ARHGAP39: variants seen among roughly 807,000 people sequenced by gnomAD.
ARHGAP39 encodes rho GTPase-activating protein 39.
Under a neutral mutation model 106.9 loss-of-function variants are expected in ARHGAP39, and 44 were observed. The ratio of observed to expected loss-of-function variants is 0.41; its 90% CI spans 0.32 to 0.53. ARHGAP39 has a LOEUF of 0.53. Among genes scored for constraint, ARHGAP39 ranks in the 20% least tolerant of loss-of-function variants. The pLI is 0.21. For missense variants in ARHGAP39, 1,496 were observed against 1,577.3 expected (o/e 0.95, Z 0.87); for synonymous variants, 768 against 693.2 (o/e 1.11, Z -1.69).
Position 144,646,965 on chromosome 8 carries a change from ATTTTTT to A in ARHGAP39, c.-82+38715_-82+38720del, listed in dbSNP as rs1174032022. On this transcript the variant is annotated intron_variant, in intron 1 of 11. Coordinates refer to ENST00000377307, the MANE Select transcript of ARHGAP39 (RefSeq NM_025251.3). The surrounding 1 kb of genome is among the most constrained non-coding windows in gnomAD (Gnocchi z 5.7). ...TGGAGGCATCTGCTCTGCTCTGACC[ATTTTTT>A]TTTTTTTTTTTTTTTTGAGACAGAG... is the stretch of plus-strand genomic sequence containing the variant. Among the ~76,000 whole-genome samples, 1 of 114,632 alleles carries A rather than the reference ATTTTTT, an allele frequency of 8.7e-6. No individual in the cohort carries two copies. The highest frequency in any genetic ancestry group is 9.0e-5 in the Admixed American group (1 of 11,142). The allele number at this position is 114,632 out of a possible 152,430, so 75.2% of individuals were successfully genotyped here. A position where few individuals can be genotyped will look rare whatever the true frequency, so the allele number is the denominator to read the frequency against.
At chr8:144,654,113 C>T (rs968067654) in intron 1 of ARHGAP39, among the ~76,000 whole-genome samples, 1 of 152,172 alleles carries the variant, frequency 6.6e-6, no homozygotes, top group African/African-American at 2.4e-5. Context: ...ACCTACAGGA[C>T]AACATGAAGC....
intron 1 of ARHGAP39, among the ~76,000 whole-genome samples, chr8:144,650,268 C>T (rs986842631): frequency 6.6e-6 from 1 of 151,950 alleles, no homozygotes; most frequent in African/African-American, 2.4e-5. Context: ...AATAGCTTAC[C>T]ATCCAAAAAA....
intron 6 of ARHGAP39, among the ~76,000 whole-genome samples, chr8:144,543,453 A>G (rs1817279077): frequency 6.6e-6 from 1 of 152,196 alleles, no homozygotes; most frequent in Admixed American, 6.5e-5. Flanking sequence ...CTAGGAGTGG[A>G]TCCTGGGGCT....
chr8:144,603,301 C>CTG (rs376743469), intron 2 of ARHGAP39, among the ~76,000 whole-genome samples: 8 of 150,770 alleles, frequency 5.3e-5, no homozygotes, highest in South Asian at 2.1e-4. Context: ...GCTCGTGTAT[C>CTG]TGTGTGTGTG....
intron 1 of ARHGAP39, among the ~76,000 whole-genome samples, chr8:144,632,376 A>G (rs908777861): frequency 3.9e-5 from 6 of 152,152 alleles, no homozygotes; most frequent in Non-Finnish European, 7.4e-5. Flanking sequence ...CCCCTCTTCC[A>G]GCCGCACTGG....
At position 144,547,999 on chromosome 8, in the gene ARHGAP39, C is replaced by T. The variant is rs747704719; in HGVS notation, c.1087G>A (p.Gly363Ser). The change falls in exon 5 of 12, where the codon GGC becomes AGC. Residue 363 changes from glycine (G) to serine (S), a missense_variant. Gly to Ser is a moderately conservative substitution (Grantham distance 56, BLOSUM62 0). Coordinates refer to ENST00000377307, the MANE Select transcript of ARHGAP39 (RefSeq NM_025251.3). This position sits in a 1 kb window ranked among gnomAD's most constrained non-coding sequence, Gnocchi z 5.2. ...AGCTGCTGGCAGGGCGAGGGGGGGC[C>T]CTGCTTGTTGGGCTGGAGGAACGGC... ...PRPFLQPNKQ[G>S]PPSPCQQLVL... is the part of the protein sequence containing the mutation. The T allele has an allele frequency of 1.9e-5, 31 of 1,610,222 alleles. No homozygotes were observed. Among genetic ancestry groups the T allele is most frequent in the Non-Finnish European group, 2.6e-5 (31 of 1,179,180 alleles).
At chr8:144,554,828 C>A (rs753799911) in intron 4 of ARHGAP39, among the ~76,000 whole-genome samples, 2 of 152,214 alleles carry the variant, frequency 1.3e-5, no homozygotes, top group Non-Finnish European at 2.9e-5. Context: ...AGAAACAAAC[C>A]GTTACCACTT....
chr8:144,698,068 T>A, the ARHGAP39 span, among the ~76,000 whole-genome samples: 1 of 152,194 alleles, frequency 6.6e-6, no homozygotes, highest in Admixed American at 6.5e-5. Context: ...TGATCCCCAA[T>A]GTTGGAGGTG....
rs1817377732 is a variant in ARHGAP39, at chr8:144,545,555, C to T, written c.2215G>A (p.Val739Met). The T allele has an allele frequency of 5.0e-6, 8 of 1,613,748 alleles. No individual in the cohort carries two copies. The highest frequency in any genetic ancestry group is 6.8e-6 in the Non-Finnish European group (8 of 1,180,014). The change falls in exon 6 of 12, where the codon GTG becomes ATG. Residue 739 changes from valine (V) to methionine (M), a missense_variant. Val to Met is a conservative substitution (Grantham distance 21). This residue lies in a region of ARHGAP39 where 470 missense variants were observed against 605.1 expected (regional missense o/e 0.78). Coordinates refer to ENST00000377307, the MANE Select transcript of ARHGAP39 (RefSeq NM_025251.3). ...KPMIVTSDRH[V>M]KKEACELFKL... The stretch of plus-strand genomic sequence containing the variant: ...AAGAGCTCGCAGGCCTCCTTCTTCA[C>T]GTGCCGGTCGCTTGTCACGATCATG...
intron 7 of ARHGAP39, among the ~76,000 whole-genome samples, chr8:144,536,424 A>G (rs1816955886): frequency 6.6e-6 from 1 of 152,076 alleles, no homozygotes. Context: ...GCTCCACTCC[A>G]GGCACAGGGG....
chr8:144,602,702 G>T (rs568097877), intron 2 of ARHGAP39, among the ~76,000 whole-genome samples: 1 of 141,304 alleles, frequency 7.1e-6, no homozygotes, highest in Non-Finnish European at 1.5e-5. Context: ...GTGCATGTGC[G>T]TGGAGTTGTG....
chr8:144,685,282 C>T (rs1822555410), intron 1 of ARHGAP39, among the ~76,000 whole-genome samples: 1 of 151,136 alleles, frequency 6.6e-6, no homozygotes, highest in Non-Finnish European at 1.5e-5. Flanking sequence ...AGGGGCACAC[C>T]CACACCCACA....
At chr8:144,602,113 G>A (rs1345445852) in intron 2 of ARHGAP39, among the ~76,000 whole-genome samples, 2 of 140,512 alleles carry the variant, frequency 1.4e-5, no homozygotes, top group Non-Finnish European at 3.1e-5. Flanking sequence ...GTACCTGTGT[G>A]CATGTGCATG....
At position 144,657,133 on chromosome 8, in the gene ARHGAP39, C is replaced by T. The variant is rs558744602; in HGVS notation, c.-82+28553G>A. ...TTTTGGCCTAGCATGGTGGCTCATG[C>T]CTGTAATTCCAGCACTTTTGCAGGC... On this transcript the variant is annotated intron_variant, in intron 1 of 11. Coordinates refer to ENST00000377307, the MANE Select transcript of ARHGAP39 (RefSeq NM_025251.3). Among the ~76,000 whole-genome samples, 3 of 151,898 alleles carry T rather than the reference C, an allele frequency of 2.0e-5. No individual in the cohort carries two copies. The East Asian group carries it at 5.8e-4, about 29-fold the overall frequency.
At chr8:144,605,901 G>A (rs371024455) in intron 1 of ARHGAP39, 34 of 454,164 alleles carry the variant, frequency 7.5e-5, no homozygotes, top group Admixed American at 3.6e-4. Context: ...AGCCCCACAC[G>A]CAGCAGGGAG....
intron 1 of ARHGAP39, among the ~76,000 whole-genome samples, chr8:144,650,219 A>T (rs1414189821): frequency 6.6e-6 from 1 of 152,144 alleles, no homozygotes; most frequent in African/African-American, 2.4e-5. Context: ...TGATTCCCTA[A>T]ACAGACAATT....
At chr8:144,608,245 C>T (rs1820370448) in intron 1 of ARHGAP39, among the ~76,000 whole-genome samples, 2 of 151,700 alleles carry the variant, frequency 1.3e-5, no homozygotes, top group African/African-American at 4.8e-5. Flanking sequence ...AAACAGGTGA[C>T]CTGCTCGTAC....
Position 144,532,516 on chromosome 8 carries a change from C to T in ARHGAP39, c.2889-120G>A, listed in dbSNP as rs532305355. 3.2e-5 allele frequency: 26 copies of T among 801,444 alleles called. 1 individual carries two copies. In the South Asian group the frequency reaches 3.9e-4, roughly 12 times the overall value. 49.6% of individuals were successfully genotyped at this position (801,444 alleles called of 1,614,324 possible). A position where few individuals can be genotyped will look rare whatever the true frequency, so the allele number is the denominator to read the frequency against. Reference sequence around the variant, plus strand: ...CGGGGAGGGGAGCAAAACCTCAGGACCCCCCGCCACCCCGGTTGGCCTCTT... The same window carrying T: ...CGGGGAGGGGAGCAAAACCTCAGGATCCCCCGCCACCCCGGTTGGCCTCTT... On this transcript the variant is annotated intron_variant, in intron 9 of 11. Transcript: ENST00000377307.
At chr8:144,592,174 A>T (rs1210165383) in intron 2 of ARHGAP39, among the ~76,000 whole-genome samples, 1 of 151,960 alleles carries the variant, frequency 6.6e-6, no homozygotes, top group Non-Finnish European at 1.5e-5. Context: ...TTTTCAGTGC[A>T]CTCCTGCGCG....
Sources: gnomAD v4.1 joint callset for allele counts (sites outside exome capture counted in the v4.1 genomes callset) on GRCh38, gnomAD v4.1.1 for gene constraint, gnomAD v4.1.1 regional missense constraint, Gnocchi (gnomAD v3.1) non-coding constraint, MANE v1.5 for transcripts, NCBI Gene and HGNC (gene_info 2026-07-23, HGNC 2026-07-21) for gene names.